ECHDC2: variants seen among roughly 807,000 people sequenced by gnomAD.
The protein encoded by ECHDC2 is enoyl-CoA hydratase domain-containing protein 2, mitochondrial.
Under a neutral mutation model 40.6 loss-of-function variants are expected in ECHDC2, and 34 were observed. The ratio of observed to expected loss-of-function variants is 0.84; its 90% confidence interval spans 0.64 to 1.11. The LOEUF (loss-of-function observed/expected upper bound fraction) is 1.11, where lower values mean the gene tolerates loss of function less well. Among genes scored for constraint, ECHDC2 ranks in the 50% most tolerant of loss-of-function variants. The pLI is 0.00. For missense variants in ECHDC2, 392 were observed against 400.7 expected, an observed-to-expected ratio of 0.98 and a Z score of 0.19; for synonymous variants, 162 against 166.6, an observed-to-expected ratio of 0.97 and a Z score of 0.21.
chr1:52,900,134 G>A (rs1183506704), intron 7 of ECHDC2: 1 of 152,234 alleles, frequency 6.6e-6, no homozygotes, highest in East Asian at 1.9e-4. Flanking sequence ...AAGTACGAAC[G>A]TGAAGGATGT....
At chr1:52,916,587 C>T (rs1650710205) in intron 1 of ECHDC2, among the ~76,000 whole-genome samples, 1 of 152,226 alleles carries the variant, frequency 6.6e-6, no homozygotes, top group Non-Finnish European at 1.5e-5. Flanking sequence ...GATACTAGGG[C>T]AAGTCTCGGA....
chr1:52,897,585 G>C, intron 8 of ECHDC2, 101 bp from the exon 9 acceptor site: 1 of 1,122,802 alleles, frequency 8.9e-7, no homozygotes, highest in Non-Finnish European at 1.4e-6. Context: ...TATATGAGCA[G>C]AGATAGCTAT....
intron 4 of ECHDC2, chr1:52,907,665 G>A: frequency 1.8e-6 from 1 of 548,514 alleles, no homozygotes; most frequent in South Asian, 2.5e-5. Flanking sequence ...GGTGGGGCGG[G>A]ACACAAAAGC....
intron 4 of ECHDC2, 41 bp downstream of exon 4, chr1:52,907,827 A>AG: frequency 6.6e-7 from 1 of 1,506,360 alleles, no homozygotes; most frequent in Non-Finnish European, 9.1e-7. Context: ...ATCGGCAGGG[A>AG]CCCCCAAACC....
intron 3 of ECHDC2, among the ~76,000 whole-genome samples, chr1:52,909,592 T>C (rs533345173): frequency 6.6e-6 from 1 of 151,856 alleles, no homozygotes; most frequent in African/African-American, 2.4e-5. Context: ...AAATTTGTGT[T>C]GGGCCACATT....
chr1:52,897,253 A>G, intron 9 of ECHDC2, 184 bp downstream of exon 9: 1 of 641,536 alleles, frequency 1.6e-6, no homozygotes, highest in Non-Finnish European at 2.8e-6. Flanking sequence ...GTTGAGGGAA[A>G]AGTCCCAGAG....
At chr1:52,912,371 C>T (rs1359129149) in intron 1 of ECHDC2, 1 of 152,832 alleles carries the variant, frequency 6.5e-6, no homozygotes, top group East Asian at 1.9e-4. Context: ...TTACACCTGG[C>T]TAATTTTTGT....
At chr1:52,897,977 C>G (rs986548488) in intron 8 of ECHDC2, 2 of 195,434 alleles carry the variant, frequency 1.0e-5, no homozygotes, top group African/African-American at 2.3e-5. Context: ...ACCCAGACAG[C>G]CTAGTGCCTC....
At chr1:52,908,750 G>A (rs1470059603) in intron 3 of ECHDC2, among the ~76,000 whole-genome samples, 3 of 151,574 alleles carry the variant, frequency 2.0e-5, no homozygotes, top group African/African-American at 4.9e-5. Flanking sequence ...CCTGGCCAAC[G>A]TGGTGAAACA....
chr1:52,921,597 C>T lies in ECHDC2; in HGVS notation c.77G>A (p.Gly26Glu), dbSNP rs1282316830. 6.2e-7 allele frequency: 1 copy of T among 1,605,854 alleles called. No individual in the cohort carries two copies. The highest frequency in any genetic ancestry group is 2.2e-5 in the East Asian group (1 of 44,522). The change falls in exon 1 of 10, where the codon GGG becomes GAG. Residue 26 changes from glycine (G) to glutamate (E), a missense_variant. By Grantham distance (98) the Gly-to-Glu change is moderately conservative. Transcript: ENST00000371522. ...ARGCASDGAA[G>E]GSEIQVRALA... Reference sequence around the variant, plus strand: ...GGCGCGCACTTGGATCTCTGAGCCCCCGGCCGCCCCGTCGGAAGCGCAGCC... The same window carrying T: ...GGCGCGCACTTGGATCTCTGAGCCCTCGGCCGCCCCGTCGGAAGCGCAGCC...
chr1:52,903,749 A>G (rs1647150393), intron 7 of ECHDC2, among the ~76,000 whole-genome samples: 1 of 151,808 alleles, frequency 6.6e-6, no homozygotes, highest in African/African-American at 2.4e-5. Context: ...TGGATGACAC[A>G]GCGAGACCCT....
At chr1:52,902,698 ATATT>A (rs778894822) in intron 7 of ECHDC2, among the ~76,000 whole-genome samples, 1 of 150,016 alleles carries the variant, frequency 6.7e-6, no homozygotes. Flanking sequence ...AATACATTAA[ATATT>A]TAGTTTGTTT....
intron 1 of ECHDC2, chr1:52,920,571 G>C: frequency 7.5e-7 from 1 of 1,325,404 alleles, no homozygotes; most frequent in Non-Finnish European, 1.1e-6. Context: ...GGCCACAAGT[G>C]GAATTAAGAA....
chr1:52,898,933 C>T (rs904003361), intron 8 of ECHDC2: 1 of 584,930 alleles, frequency 1.7e-6, no homozygotes, highest in Non-Finnish European at 3.1e-6. Flanking sequence ...TTTACCCTTT[C>T]TTAACCTCAA....
Position 52,897,213 on chromosome 1 carries a change from T to C in ECHDC2, c.801+224A>G, listed in dbSNP as rs1315535638. 4 of 577,446 alleles carry C rather than the reference T, an allele frequency of 6.9e-6. No homozygotes were observed. The East Asian group carries it at 1.1e-4, about 16-fold the overall frequency. The allele number at this position is 577,446 out of a possible 1,614,324, so 35.8% of individuals were successfully genotyped here. A position where few individuals can be genotyped will look rare whatever the true frequency, so the allele number is the denominator to read the frequency against. On this transcript the variant is annotated intron_variant, in intron 9 of 9. Coordinates refer to ENST00000371522, the MANE Select transcript of ECHDC2 (RefSeq NM_001198961.2). ...GTGTTCTGTGATTCTCGGCATTAAG[T>C]GGGCAGGATGAACCCCAGTACATTA...
At chr1:52,917,906 A>G (rs1285562926) in intron 1 of ECHDC2, among the ~76,000 whole-genome samples, 2 of 152,320 alleles carry the variant, frequency 1.3e-5, no homozygotes, top group Admixed American at 6.5e-5. Flanking sequence ...ATAAAAGACT[A>G]TGTTTTAGGT....
chr1:52,904,736 C>T lies in ECHDC2; in HGVS notation c.612G>A (p.Leu204=). Residue 204 remains leucine, a synonymous_variant, in exon 7 of 10, where the codon CTG becomes CTA. Coordinates refer to ENST00000371522, the MANE Select transcript of ECHDC2 (RefSeq NM_001198961.2). The part of the protein sequence containing the change: ...RRLSGTEAHV[L]GLVNHAVAQN... ...GGGCCACAGCGTGATTCACCAGCCC[C>T]AGTACGTGGGCCTCAGTTCCACTCA... 2 of 1,612,908 alleles carry T rather than the reference C, an allele frequency of 1.2e-6. No homozygotes were observed. Among genetic ancestry groups the T allele is most frequent in the Non-Finnish European group, 1.7e-6 (2 of 1,179,940 alleles).
chr1:52,906,150 GACAA>G (rs1338668915), intron 5 of ECHDC2: 7 of 363,840 alleles, frequency 1.9e-5, no homozygotes, highest in Non-Finnish European at 3.8e-5. Context: ...CTCAGCCATT[GACAA>G]ACTATCCCTG....
Position 52,905,047 on chromosome 1 carries a change from G to A in ECHDC2, c.501C>T (p.Leu167=), listed in dbSNP as rs1359653472. Residue 167 remains leucine, a synonymous_variant, in exon 6 of 10, where the codon CTC becomes CTT. Transcript: ENST00000371522. The part of the protein sequence containing the change: ...VMGLIETTRG[L]LPGAGGTQRL... Reference sequence around the variant, plus strand: ...AGTTGCGATTACCTGCCCCCGGGAGGAGCCCTCGCGTGGTCTCAATCAGTC... The same window carrying A: ...AGTTGCGATTACCTGCCCCCGGGAGAAGCCCTCGCGTGGTCTCAATCAGTC... 1 of 1,614,166 alleles carries A rather than the reference G, an allele frequency of 6.2e-7. No homozygotes were observed.
Sources: gnomAD v4.1 joint callset for allele counts (sites outside exome capture counted in the v4.1 genomes callset) on GRCh38, gnomAD v4.1.1 for gene constraint, MANE v1.5 for transcripts, NCBI Gene and HGNC (gene_info 2026-07-23, HGNC 2026-07-21) for gene names.